Variants in TRIP4 observed in about 807,000 individuals in gnomAD.
TRIP4 encodes thyroid hormone receptor interactor 4.
In TRIP4, 54 loss-of-function variants were observed where a neutral mutation model predicts 81.8. The ratio of observed to expected loss-of-function variants is 0.66; its 90% CI spans 0.53 to 0.83. The LOEUF is 0.83. Among genes scored for constraint, TRIP4 ranks in the 40% least tolerant of loss-of-function variants. The pLI is 0.00. For synonymous variants in TRIP4, 270 were observed against 242.8 expected, an observed-to-expected ratio of 1.11 and a Z score of -1.04; for missense variants, 662 against 683.6, an observed-to-expected ratio of 0.97 and a Z score of 0.35.
At chr15:64,403,486 A>G (rs1446030659) in intron 5 of TRIP4, among the ~76,000 whole-genome samples, 1 of 152,196 alleles carries the variant, frequency 6.6e-6, no homozygotes, top group Non-Finnish European at 1.5e-5. Context: ...AAAGAAAAAC[A>G]ATATACTCAT....
At chr15:64,395,590 C>A in intron 3 of TRIP4, 59 bp downstream of exon 3, 1 of 1,537,744 alleles carries the variant, frequency 6.5e-7, no homozygotes, top group Non-Finnish European at 8.8e-7. Flanking sequence ...GTGACTAATA[C>A]ATTTCAGAGA....
At chr15:64,390,378 C>G (rs1194808259) in intron 1 of TRIP4, among the ~76,000 whole-genome samples, 2 of 151,102 alleles carry the variant, frequency 1.3e-5, no homozygotes, top group South Asian at 4.2e-4. Flanking sequence ...AGGAGAATCC[C>G]TTGAACCGCG....
intron 6 of TRIP4, among the ~76,000 whole-genome samples, chr15:64,408,847 CA>C (rs1445940096): frequency 6.6e-6 from 1 of 152,036 alleles, no homozygotes; most frequent in Non-Finnish European, 1.5e-5. Flanking sequence ...AACTTGGCCC[CA>C]GTGCATTAGT....
At chr15:64,423,678 T>C (rs1892069553) in intron 9 of TRIP4, among the ~76,000 whole-genome samples, 1 of 152,112 alleles carries the variant, frequency 6.6e-6, no homozygotes, top group Non-Finnish European at 1.5e-5. Flanking sequence ...GATTTCCATA[T>C]CTCTAATATG....
intron 12 of TRIP4, among the ~76,000 whole-genome samples, chr15:64,448,778 C>A (rs995768795): frequency 2.0e-5 from 3 of 152,134 alleles, no homozygotes; most frequent in African/African-American, 7.2e-5. Context: ...AGGGGATAAC[C>A]TCCAGTAGTT....
chr15:64,422,083 A>G (rs1892031779), intron 9 of TRIP4, among the ~76,000 whole-genome samples: 1 of 152,034 alleles, frequency 6.6e-6, no homozygotes, highest in Admixed American at 6.6e-5. Flanking sequence ...GTAGTAGGTT[A>G]TACTATCTAG....
At chr15:64,401,786 T>C (rs747684793) in intron 5 of TRIP4, among the ~76,000 whole-genome samples, 1 of 151,898 alleles carries the variant, frequency 6.6e-6, no homozygotes, top group Non-Finnish European at 1.5e-5. Flanking sequence ...GAAATGAAAA[T>C]ACTAGAAAAT....
rs1892596274 is a variant in TRIP4, at chr15:64,445,101, A to T, written c.1671A>T (p.Pro557=). Residue 557 remains proline (P), a synonymous_variant, in exon 12 of 13, where the codon CCA becomes CCT. Coordinates refer to ENST00000261884, the MANE Select transcript of TRIP4 (RefSeq NM_016213.5). Reference sequence around the variant, plus strand: ...TGAAGTTTCCTATTAAAGGAAATCCAAAAATCTGTAAGTCATGATTTTTTT... The same window carrying T: ...TGAAGTTTCCTATTAAAGGAAATCCTAAAATCTGTAAGTCATGATTTTTTT... ...MVVKFPIKGN[P]KIWKLDSKIH... 1 of 1,580,890 alleles carries T rather than the reference A, an allele frequency of 6.3e-7. No homozygotes were observed. Among genetic ancestry groups the T allele is most frequent in the African/African-American group, 1.4e-5 (1 of 73,714 alleles).
chr15:64,395,165 T>C (rs1406438972), intron 2 of TRIP4, among the ~76,000 whole-genome samples: 1 of 152,192 alleles, frequency 6.6e-6, no homozygotes, highest in Non-Finnish European at 1.5e-5. Flanking sequence ...CAGATTTTAA[T>C]TTAACTTCTT....
chr15:64,448,467 T>C (rs1052135543), intron 12 of TRIP4, among the ~76,000 whole-genome samples: 3 of 152,186 alleles, frequency 2.0e-5, no homozygotes, highest in African/African-American at 7.2e-5. Flanking sequence ...CAATAGGTAG[T>C]GAAAATTTTA....
chr15:64,425,970 C>A (rs958001749), intron 11 of TRIP4, among the ~76,000 whole-genome samples: 2 of 152,130 alleles, frequency 1.3e-5, no homozygotes, highest in African/African-American at 4.8e-5. Context: ...GTAGTCCCAG[C>A]TGCTCCAAAG....
chr15:64,400,697 ATAATT>A (rs766298673), intron 4 of TRIP4, 41 bp from the exon 5 acceptor site: 4 of 1,467,976 alleles, frequency 2.7e-6, no homozygotes, highest in Non-Finnish European at 3.8e-6. Context: ...AGAAAGCAAT[ATAATT>A]TAACTGTTGG....
chr15:64,388,168 G>A, intron 1 of TRIP4: 1 of 955,522 alleles, frequency 1.0e-6, no homozygotes, highest in Non-Finnish European at 1.4e-6. Flanking sequence ...TCTGCCGGTC[G>A]GGCTTTTTTC....
intron 11 of TRIP4, among the ~76,000 whole-genome samples, chr15:64,432,652 C>T (rs144994966): frequency 1.3e-5 from 2 of 150,580 alleles, no homozygotes; most frequent in Admixed American, 6.7e-5. Context: ...TGACTCACAC[C>T]TTTAATCCCA....
At chr15:64,419,170 T>C (rs2140297653) in intron 9 of TRIP4, among the ~76,000 whole-genome samples, 1 of 152,300 alleles carries the variant, frequency 6.6e-6, no homozygotes, top group East Asian at 1.9e-4. Flanking sequence ...GATTTTATTT[T>C]CCTGTCCATA....
At chr15:64,403,990 GAGACC>G (rs974833857) in intron 5 of TRIP4, among the ~76,000 whole-genome samples, 5 of 151,948 alleles carry the variant, frequency 3.3e-5, no homozygotes, top group African/African-American at 9.7e-5. Flanking sequence ...TTGGGAGTTT[GAGACC>G]AGCCTGACCA....
chr15:64,422,035 A>AAG, intron 9 of TRIP4, among the ~76,000 whole-genome samples: 1 of 152,184 alleles, frequency 6.6e-6, no homozygotes, highest in Admixed American at 6.5e-5. Flanking sequence ...TCTCAAAAAA[A>AAG]AAAAAAAGAG....
At chr15:64,429,348 A>G (rs1232874174) in intron 11 of TRIP4, among the ~76,000 whole-genome samples, 2 of 152,146 alleles carry the variant, frequency 1.3e-5, no homozygotes, top group Admixed American at 1.3e-4. Context: ...AAAAAAAGAA[A>G]TGTAGTTGTC....
At chr15:64,446,563 C>G (rs1335207049) in intron 12 of TRIP4, among the ~76,000 whole-genome samples, 4 of 151,094 alleles carry the variant, frequency 2.6e-5, no homozygotes, top group Non-Finnish European at 5.9e-5. Context: ...TGCCACCACT[C>G]CTGGCTAATT....
Sources: allele counts gnomAD v4.1 joint callset (sites outside exome capture counted in the v4.1 genomes callset), GRCh38; gene constraint gnomAD v4.1.1; transcripts MANE v1.5; gene names NCBI Gene and HGNC (gene_info 2026-07-23, HGNC 2026-07-21).